EML5: variants seen among roughly 807,000 people sequenced by gnomAD.
EML5 encodes echinoderm microtubule-associated protein-like 5.
Under a neutral mutation model 250.0 loss-of-function variants are expected in EML5, and 120 were observed. The ratio of observed to expected loss-of-function variants is 0.48; its 90% confidence interval spans 0.41 to 0.56. The LOEUF is 0.56. Among genes scored for constraint, EML5 ranks in the 20% least tolerant of loss-of-function variants. The pLI is 0.00. For synonymous variants in EML5, 771 were observed against 806.5 expected (o/e 0.96, Z 0.75); for missense variants, 2,006 against 2,437.6 (o/e 0.82, Z 3.73).
At chr14:88,728,093 A>C (rs549217954) in intron 7 of EML5, among the ~76,000 whole-genome samples, 1 of 152,308 alleles carries the variant, frequency 6.6e-6, no homozygotes, top group East Asian at 1.9e-4. Context: ...ATGCATATAC[A>C]GTTGGCCCTC....
chr14:88,709,439 G>A (rs996504473), intron 10 of EML5, among the ~76,000 whole-genome samples: 7 of 151,820 alleles, frequency 4.6e-5, no homozygotes, highest in Non-Finnish European at 8.8e-5. Context: ...ATAGGAAAGA[G>A]ATATGAACCC....
intron 15 of EML5, among the ~76,000 whole-genome samples, chr14:88,696,010 A>T (rs2093069700): frequency 6.6e-6 from 1 of 152,080 alleles, no homozygotes; most frequent in Admixed American, 6.6e-5. Flanking sequence ...GCATGTTTAC[A>T]GGCTGTAAAG....
intron 21 of EML5, among the ~76,000 whole-genome samples, chr14:88,679,737 CA>C (rs982065971): frequency 6.0e-5 from 9 of 150,618 alleles, no homozygotes; most frequent in East Asian, 1.9e-4. Flanking sequence ...ATAGTCCCTA[CA>C]AAAAAAAACT....
intron 19 of EML5, among the ~76,000 whole-genome samples, chr14:88,686,039 G>T (rs888104229): frequency 2.0e-5 from 3 of 152,072 alleles, no homozygotes; most frequent in Admixed American, 2.0e-4. Context: ...AGCATACAGT[G>T]AGGAAAACAG....
At chr14:88,714,549 C>T (rs1473700007) in intron 9 of EML5, among the ~76,000 whole-genome samples, 1 of 151,872 alleles carries the variant, frequency 6.6e-6, no homozygotes, top group African/African-American at 2.4e-5. Flanking sequence ...CTTAAATGTT[C>T]TCACCACACA....
Position 88,704,912 on chromosome 14 carries a change from T to C in EML5, c.1999A>G (p.Lys667Glu), listed in dbSNP as rs760733165. 31 of 1,613,188 alleles carry C rather than the reference T, an allele frequency of 1.9e-5. No individual in the cohort carries two copies. Among genetic ancestry groups the C allele is most frequent in the Non-Finnish European group, 2.5e-5 (29 of 1,179,540 alleles). The stretch of plus-strand genomic sequence containing the variant: ...TTTCCTGGAGCCCGCTCTCTTCTTT[T>C]AGAAGTAGCACTTTTTTGTTTCTCT... ...CKEKQKSATS[K>E]RRERAPGNSI... is the part of the protein sequence containing the mutation. Residue 667 changes from lysine to glutamate, a missense_variant, in exon 13 of 44, where the codon AAA becomes GAA. Lys to Glu is a moderately conservative substitution (Grantham distance 56). Around this residue, in one of 7 missense-constraint regions of EML5, gnomAD observed 1,375 missense variants for 1,590.3 expected, o/e 0.86. Transcript: ENST00000554922.
At chr14:88,779,885 T>C (rs928924084) in intron 1 of EML5, among the ~76,000 whole-genome samples, 2 of 152,216 alleles carry the variant, frequency 1.3e-5, no homozygotes, top group African/African-American at 2.4e-5. Context: ...AATCCAGAAC[T>C]ACAAAATTTT....
At chr14:88,664,814 T>A (rs1376081746) in intron 22 of EML5, among the ~76,000 whole-genome samples, 190 bp from the exon 23 acceptor site, 4 of 152,226 alleles carry the variant, frequency 2.6e-5, no homozygotes, top group African/African-American at 4.8e-5. Flanking sequence ...AAATAATTTT[T>A]TAGTGTAACA....
chr14:88,746,088 C>A, intron 3 of EML5, 97 bp downstream of exon 3: 1 of 919,404 alleles, frequency 1.1e-6, no homozygotes, highest in Non-Finnish European at 1.7e-6. Context: ...TATGACCTAT[C>A]TGGCAATAAC....
intron 8 of EML5, among the ~76,000 whole-genome samples, chr14:88,721,406 T>C (rs896119431): frequency 1.3e-5 from 2 of 152,138 alleles, no homozygotes; most frequent in Non-Finnish European, 2.9e-5. Flanking sequence ...ATGATGCTGG[T>C]ATAAAAACAG....
rs1170227180 is a variant in EML5 at position 88,614,339 on chromosome 14, GC to G, written c.*1478del. 8 of 152,104 alleles carry G rather than the reference GC, an allele frequency of 5.3e-5. No individual in the cohort carries two copies. The highest frequency in any genetic ancestry group is 5.2e-4 in the Admixed American group (8 of 15,262). The allele number at this position is 152,104 out of a possible 1,614,324, so 9.4% of individuals were successfully genotyped here. A position where few individuals can be genotyped will look rare whatever the true frequency, so the allele number is the denominator to read the frequency against. On this transcript the variant is annotated 3_prime_UTR_variant, in exon 44 of 44. Transcript: ENST00000554922. ...ACCAACTTACGTTTCAAGCTTCTTA[GC>G]CCCATAATCAGTCCTTCAGCCACAG...
chr14:88,765,947 T>G (rs1023364136), intron 1 of EML5, among the ~76,000 whole-genome samples: 9 of 152,230 alleles, frequency 5.9e-5, no homozygotes, highest in Non-Finnish European at 1.0e-4. Flanking sequence ...GAAGATTTCA[T>G]GGACATTTAT....
chr14:88,657,352 T>G, intron 27 of EML5, 24 bp downstream of exon 27: 1 of 1,537,542 alleles, frequency 6.5e-7, no homozygotes, highest in Non-Finnish European at 8.8e-7. Flanking sequence ...TTTTTCTTCA[T>G]CTAATACTAA....
At chr14:88,634,211 C>G (rs1011474234) in intron 33 of EML5, among the ~76,000 whole-genome samples, 4 of 152,112 alleles carry the variant, frequency 2.6e-5, no homozygotes, top group African/African-American at 9.7e-5. Flanking sequence ...CTCTCTCTTC[C>G]TCCTGCTTCC....
In EML5 at chr14:88,665,474, C is replaced by G; in HGVS notation, c.3140G>C (p.Cys1047Ser). ...TAAAGCTTTACCATCAGGAGAAAAACAGCAACACCTCCCACCTGAAAGAGA... is the reference window on the plus strand; with the variant it reads ...TAAAGCTTTACCATCAGGAGAAAAAGAGCAACACCTCCCACCTGAAAGAGA... ...RKLKKGGRCCCFSPDGKALAV... is the reference protein window; with the variant it reads ...RKLKKGGRCCSFSPDGKALAV... The change falls in exon 22 of 44, where the codon TGT (cysteine) becomes TCT (serine). Residue 1047 changes from cysteine (C) to serine (S), a missense_variant. Transcript: ENST00000554922. The G allele has an allele frequency of 1.9e-6, 3 of 1,613,874 alleles. No individual in the cohort carries two copies. The highest frequency in any genetic ancestry group is 2.5e-6 in the Non-Finnish European group (3 of 1,179,850).
At position 88,717,263 on chromosome 14, in the gene EML5, A is replaced by G. The variant is rs549589548; in HGVS notation, c.1188-2068T>C. ...ACAGTATGTGAAAGAGCTGATGGCAAGAGAAAGTATTCAAGTTCAGCTTGT... is the reference window on the plus strand; with the variant it reads ...ACAGTATGTGAAAGAGCTGATGGCAGGAGAAAGTATTCAAGTTCAGCTTGT... On this transcript the variant is annotated intron_variant, in intron 8 of 43. Transcript: ENST00000554922. Among the ~76,000 whole-genome samples, 10 of 152,336 alleles carry G rather than the reference A, an allele frequency of 6.6e-5. No individual in the cohort carries two copies. The South Asian group carries it at 1.9e-3, about 28-fold the overall frequency.
chr14:88,785,870 A>G (rs1227298345), intron 1 of EML5, among the ~76,000 whole-genome samples: 4 of 152,152 alleles, frequency 2.6e-5, no homozygotes, highest in Non-Finnish European at 5.9e-5. Flanking sequence ...ACTTTGTTAA[A>G]CCGTAAGTCA....
chr14:88,714,249 C>T (rs8018755), intron 9 of EML5, among the ~76,000 whole-genome samples: 35,986 of 151,908 alleles, frequency 0.24, 4,417 homozygotes, highest in East Asian at 0.37. Flanking sequence ...GACTAAGATA[C>T]AGTGGTACTT....
Position 88,716,311 on chromosome 14 carries a change from A to T in EML5, c.1188-1116T>A, listed in dbSNP as rs1016155012. ...TTTGAAGCTTCTGTACTTTTTTTTAAAGTTTCCCTGGTCAACATCACTTCT... is the reference window on the plus strand; with the variant it reads ...TTTGAAGCTTCTGTACTTTTTTTTATAGTTTCCCTGGTCAACATCACTTCT... On this transcript the variant is annotated intron_variant, in intron 8 of 43. Coordinates refer to ENST00000554922, the MANE Select transcript of EML5 (RefSeq NM_183387.3). Among the ~76,000 whole-genome samples, 5 of 152,264 alleles carry T rather than the reference A, an allele frequency of 3.3e-5. No homozygotes were observed. The East Asian group carries it at 9.7e-4, about 29-fold the overall frequency.
Sources: allele counts gnomAD v4.1 joint callset (sites outside exome capture counted in the v4.1 genomes callset), GRCh38; gene constraint gnomAD v4.1.1; regional missense constraint gnomAD v4.1.1; transcripts MANE v1.5; gene names NCBI Gene and HGNC (gene_info 2026-07-23, HGNC 2026-07-21).